Variants in HS3ST5 observed in about 807,000 individuals in gnomAD.
The protein encoded by HS3ST5 is heparan sulfate glucosamine 3-O-sulfotransferase 5.
Under a neutral mutation model 25.4 loss-of-function variants are expected in HS3ST5, and 10 were observed. That is an observed-to-expected ratio of 0.39 (90% CI 0.24 to 0.67). The LOEUF is 0.67. Ranked by LOEUF, HS3ST5 falls within the 30% of genes least tolerant of loss-of-function variation. The pLI is 0.44. For missense variants in HS3ST5, 324 were observed against 420.7 expected, an observed-to-expected ratio of 0.77 and a Z score of 2.01; for synonymous variants, 170 against 162.4, an observed-to-expected ratio of 1.05 and a Z score of -0.36.
At chr6:114,110,510 T>C (rs913773040) in intron 3 of HS3ST5, among the ~76,000 whole-genome samples, 5 of 152,188 alleles carry the variant, frequency 3.3e-5, no homozygotes, top group Non-Finnish European at 5.9e-5. Context: ...CCTCAAATTG[T>C]TAAATGTGAA....
At chr6:114,231,786 T>C (rs1281969031) in intron 1 of HS3ST5, among the ~76,000 whole-genome samples, 2 of 151,504 alleles carry the variant, frequency 1.3e-5, no homozygotes, top group Non-Finnish European at 1.5e-5. Context: ...AAAGCTCTGT[T>C]TTTCTTACTG....
chr6:114,115,161 A>G (rs1050345421), intron 3 of HS3ST5, among the ~76,000 whole-genome samples: 3 of 152,112 alleles, frequency 2.0e-5, no homozygotes, highest in African/African-American at 7.2e-5. Context: ...TGAAAAAGGC[A>G]TGAAAGTAAC....
chr6:114,238,763 C>G (rs1771971965), intron 1 of HS3ST5, among the ~76,000 whole-genome samples: 1 of 152,146 alleles, frequency 6.6e-6, no homozygotes. Context: ...GACCTGTACC[C>G]TGAAGAAAAG....
chr6:114,240,125 C>T (rs1428614017), intron 1 of HS3ST5, among the ~76,000 whole-genome samples: 1 of 152,020 alleles, frequency 6.6e-6, no homozygotes, highest in Non-Finnish European at 1.5e-5. Flanking sequence ...TTTCACAGGA[C>T]CATTCTCTGT....
intron 4 of HS3ST5, among the ~76,000 whole-genome samples, chr6:114,062,158 A>G (rs940626690): frequency 1.3e-5 from 2 of 151,990 alleles, no homozygotes; most frequent in Non-Finnish European, 2.9e-5. Context: ...CTCTCCATGG[A>G]TTTCCCATTG....
In HS3ST5 at chr6:114,057,213, G is replaced by T; in HGVS notation, c.*44C>A. 1.5e-6 allele frequency: 2 copies of T among 1,314,692 alleles called. No individual in the cohort carries two copies. The highest frequency in any genetic ancestry group is 2.2e-6 in the Non-Finnish European group (2 of 929,210). The allele number at this position is 1,314,692 out of a possible 1,614,324, so 81.4% of individuals were successfully genotyped here. ...CATATTTTAATCTACAGGAGACATTGTGTGTCTCCAGGCACAACACATAGT... is the reference window on the plus strand; with the variant it reads ...CATATTTTAATCTACAGGAGACATTTTGTGTCTCCAGGCACAACACATAGT... On this transcript the variant is annotated 3_prime_UTR_variant, in exon 5 of 5. Coordinates refer to ENST00000312719, the MANE Select transcript of HS3ST5 (RefSeq NM_153612.4).
intron 2 of HS3ST5, among the ~76,000 whole-genome samples, chr6:114,217,100 C>G (rs1781806687): frequency 6.6e-6 from 1 of 152,212 alleles, no homozygotes; most frequent in African/African-American, 2.4e-5. Context: ...TCTCCATTTA[C>G]TAACGGATTT....
chr6:114,276,365 C>T (rs1360705809), intron 1 of HS3ST5, among the ~76,000 whole-genome samples: 1 of 151,804 alleles, frequency 6.6e-6, no homozygotes, highest in Admixed American at 6.6e-5. Flanking sequence ...ATGCCATGCA[C>T]ATAAAATGTT....
At chr6:114,205,991 T>C (rs1022669979) in intron 2 of HS3ST5, among the ~76,000 whole-genome samples, 3 of 152,092 alleles carry the variant, frequency 2.0e-5, no homozygotes, top group African/African-American at 7.2e-5. Flanking sequence ...TACCAGGGGG[T>C]TGGGGACCCC....
Position 114,262,031 on chromosome 6 carries a change from G to A in HS3ST5, c.-338-33253C>T, listed in dbSNP as rs1039805547. ...ATTGTTTTCAATGCAATTTCATTAA[G>A]TGAGGTTCGTGCATCATTAATTTGT... On this transcript the variant is annotated intron_variant, in intron 1 of 4. Transcript: ENST00000312719. Among the ~76,000 whole-genome samples, 5 of 152,164 alleles carry A rather than the reference G, an allele frequency of 3.3e-5. No homozygotes were observed. The East Asian group carries it at 9.6e-4, about 29-fold the overall frequency.
chr6:114,093,339 TTTTG>T lies in HS3ST5; in HGVS notation c.-32-30466_-32-30463del, dbSNP rs1161325244. Among the ~76,000 whole-genome samples the T allele has an allele frequency of 2.2e-3, 293 of 133,210 alleles. 3 individuals carry two copies. The highest frequency in any genetic ancestry group is 8.0e-3 in the African/African-American group (284 of 35,334). The allele number at this position is 133,210 out of a possible 152,430, so 87.4% of individuals were successfully genotyped here. A position where few individuals can be genotyped will look rare whatever the true frequency, so the allele number is the denominator to read the frequency against. ...AGGCCTGAGAATGACCTTGTATCTT[TTTTG>T]TTTGTTTGTTTGTGTGTGTGTGTGT... On this transcript the variant is annotated intron_variant, in intron 3 of 4. Transcript: ENST00000312719.
chr6:114,177,325 CA>C (rs1289756202), intron 2 of HS3ST5, among the ~76,000 whole-genome samples: 1 of 152,166 alleles, frequency 6.6e-6, no homozygotes, highest in African/African-American at 2.4e-5. Flanking sequence ...CAGTATATTT[CA>C]GACTTAAACC....
intron 1 of HS3ST5, among the ~76,000 whole-genome samples, chr6:114,246,742 ATGTAAGGG>A (rs1019740437): frequency 1.3e-5 from 2 of 152,248 alleles, no homozygotes; most frequent in African/African-American, 4.8e-5. Flanking sequence ...CAACTTCTGA[ATGTAAGGG>A]TGAGCACTGT....
intron 2 of HS3ST5, among the ~76,000 whole-genome samples, chr6:114,214,556 CAGCACATGATAGGAGCTCATAA>C (rs1781663291): frequency 6.6e-6 from 1 of 152,150 alleles, no homozygotes; most frequent in South Asian, 2.1e-4. Context: ...CCAATGTGTC[CAGCACATGATAGGAGCTCATAA>C]TTACTCCTTA....
intron 3 of HS3ST5, among the ~76,000 whole-genome samples, chr6:114,136,268 G>A (rs762105246): frequency 2.0e-5 from 3 of 152,164 alleles, no homozygotes; most frequent in Non-Finnish European, 1.5e-5. Flanking sequence ...TAAATCATGG[G>A]GGCAGGTCTT....
intron 2 of HS3ST5, among the ~76,000 whole-genome samples, chr6:114,210,587 A>G (rs1038090859): frequency 1.3e-5 from 2 of 152,190 alleles, no homozygotes; most frequent in Admixed American, 6.5e-5. Context: ...AGTCCATAAG[A>G]GCATGTACTA....
At chr6:114,256,950 G>A (rs113258565) in intron 1 of HS3ST5, among the ~76,000 whole-genome samples, 24,385 of 152,164 alleles carry the variant, frequency 0.16, 2,004 homozygotes, top group Middle Eastern at 0.21. Context: ...GGGAGGCCTC[G>A]CAATCATGGC....
chr6:114,314,767 T>G (rs1775681608), intron 1 of HS3ST5, among the ~76,000 whole-genome samples: 1 of 152,222 alleles, frequency 6.6e-6, no homozygotes, highest in African/African-American at 2.4e-5. Flanking sequence ...ACATCTGTTT[T>G]CTTCATAGAT....
At chr6:114,204,608 T>G (rs1455583987) in intron 2 of HS3ST5, among the ~76,000 whole-genome samples, 1 of 152,138 alleles carries the variant, frequency 6.6e-6, no homozygotes, top group Non-Finnish European at 1.5e-5. Flanking sequence ...TGTTTTAAAG[T>G]ATTTTTTTGG....
Sources: gnomAD v4.1 joint callset for allele counts (sites outside exome capture counted in the v4.1 genomes callset) on GRCh38, gnomAD v4.1.1 for gene constraint, MANE v1.5 for transcripts, NCBI Gene and HGNC (gene_info 2026-07-23, HGNC 2026-07-21) for gene names.